Variants in FUBP3 observed in about 807,000 individuals in gnomAD.
FUBP3 encodes the protein far upstream element binding protein 3, also known as far upstream element-binding protein 3.
A neutral mutation model predicts 85.6 loss-of-function variants in FUBP3; 28 were observed. That is an observed-to-expected ratio of 0.33 (90% CI 0.24 to 0.45). The LOEUF (loss-of-function observed/expected upper bound fraction) is 0.45, where lower values mean the gene tolerates loss of function less well. FUBP3 is among the 20% of genes least tolerant of loss of function. The pLI is 1.00. For synonymous variants in FUBP3, 271 were observed against 271.4 expected (o/e 1.00, Z 0.01); for missense variants, 583 against 755.1 (o/e 0.77, Z 2.67).
rs779806628 is a variant in FUBP3 at position 130,620,382 on chromosome 9, T to C, written c.695T>C (p.Ile232Thr). 11 of 1,603,040 alleles carry C rather than the reference T, an allele frequency of 6.9e-6. No homozygotes were observed. In the South Asian group the frequency reaches 1.2e-4, roughly 18 times the overall value. ...QQAREMVLEI[I>T]REKDQADFRG... is the part of the protein sequence containing the mutation. ...GCAAGAGAAATGGTACTAGAGATTA[T>C]CCGAGAAAAAGACCAAGCTGACTTT... Residue 232 changes from isoleucine to threonine, a missense_variant, in exon 9 of 19, where the codon ATC (isoleucine) becomes ACC (threonine). Ile to Thr is a moderately conservative substitution (Grantham distance 89). This residue lies in a region of FUBP3 where 404 missense variants were observed against 516.8 expected (regional missense o/e 0.78). Transcript: ENST00000319725.
intron 2 of FUBP3, among the ~76,000 whole-genome samples, chr9:130,602,304 A>C (rs1314950340): frequency 3.3e-5 from 5 of 152,172 alleles, no homozygotes; most frequent in Non-Finnish European, 5.9e-5. Context: ...TAAAGGACGA[A>C]TTCTTGGGCG....
In FUBP3 at chr9:130,631,964, G is replaced by A. The variant is rs759258767; in HGVS notation, c.1375G>A (p.Gly459Arg). 26 of 1,613,302 alleles carry A rather than the reference G, an allele frequency of 1.6e-5. No homozygotes were observed. Among genetic ancestry groups the A allele is most frequent in the Non-Finnish European group, 2.2e-5 (26 of 1,179,258 alleles). Reference protein sequence around the residue: ...HQNTFPPRSSGCFPNMAAKVN... With the variant: ...HQNTFPPRSSRCFPNMAAKVN... Reference sequence around the variant, plus strand: ...CAGTACCTTTCCTCCAAGGAGCTCCGGGTGCTTCCCAAACATGGCTGCCAA... The same window carrying A: ...CAGTACCTTTCCTCCAAGGAGCTCCAGGTGCTTCCCAAACATGGCTGCCAA... The change falls in exon 15 of 19, where the codon GGG becomes AGG. Residue 459 changes from glycine (G) to arginine (R), a missense_variant. Around this residue, in one of 3 missense-constraint regions of FUBP3, gnomAD observed 404 missense variants for 516.8 expected, o/e 0.78. Coordinates refer to ENST00000319725, the MANE Select transcript of FUBP3 (RefSeq NM_003934.2).
At chr9:130,605,454 C>T (rs900629222) in intron 2 of FUBP3, among the ~76,000 whole-genome samples, 1 of 152,240 alleles carries the variant, frequency 6.6e-6, no homozygotes. Context: ...TGAAGGGGTA[C>T]AGAGTTTGCA....
chr9:130,629,094 A>C (rs926393878), intron 12 of FUBP3, among the ~76,000 whole-genome samples: 1 of 152,160 alleles, frequency 6.6e-6, no homozygotes, highest in Non-Finnish European at 1.5e-5. Context: ...ATTGCTCCCC[A>C]AAAAACATTG....
At chr9:130,628,998 A>G (rs757966202) in intron 12 of FUBP3, among the ~76,000 whole-genome samples, 1 of 152,040 alleles carries the variant, frequency 6.6e-6, no homozygotes, top group Non-Finnish European at 1.5e-5. Flanking sequence ...CGAACTCCCA[A>G]CCTCAGGTGA....
chr9:130,610,119 C>G, intron 3 of FUBP3, 132 bp downstream of exon 3: 1 of 717,172 alleles, frequency 1.4e-6, no homozygotes, highest in East Asian at 2.6e-5. Flanking sequence ...CTTTAAGACT[C>G]GAGTTTTTTG....
intron 12 of FUBP3, among the ~76,000 whole-genome samples, chr9:130,626,760 G>C (rs1829994050): frequency 6.6e-6 from 1 of 152,212 alleles, no homozygotes; most frequent in African/African-American, 2.4e-5. Context: ...CTCCCTGCCT[G>C]TTGAGGGCAG....
intron 2 of FUBP3, among the ~76,000 whole-genome samples, chr9:130,603,365 A>AAAC (rs1831261737): frequency 4.1e-5 from 4 of 98,442 alleles, no homozygotes; most frequent in African/African-American, 1.6e-4. Context: ...AAAAAAAAAA[A>AAAC]AAACAAATAG....
chr9:130,594,831 T>G (rs1417890484), intron 1 of FUBP3, among the ~76,000 whole-genome samples: 1 of 151,700 alleles, frequency 6.6e-6, no homozygotes, highest in Non-Finnish European at 1.5e-5. Context: ...GTGAGAAAAG[T>G]TAAACTTTTT....
intron 9 of FUBP3, among the ~76,000 whole-genome samples, chr9:130,621,502 G>A (rs1300481419): frequency 6.6e-6 from 1 of 152,146 alleles, no homozygotes; most frequent in Non-Finnish European, 1.5e-5. Context: ...CAGTGTGTAT[G>A]GTGTGTTTAT....
At chr9:130,615,595 A>C (rs1233999174) in intron 6 of FUBP3, among the ~76,000 whole-genome samples, 1 of 152,258 alleles carries the variant, frequency 6.6e-6, no homozygotes, top group Non-Finnish European at 1.5e-5. Context: ...TTGGCACAGC[A>C]GATGACTTTG....
chr9:130,601,106 A>G (rs937152271), intron 2 of FUBP3, among the ~76,000 whole-genome samples: 3 of 152,266 alleles, frequency 2.0e-5, no homozygotes, highest in African/African-American at 7.2e-5. Context: ...TCACCGAAAC[A>G]GGCAGCTGGC....
chr9:130,624,532 G>A (rs762829493), intron 11 of FUBP3, among the ~76,000 whole-genome samples: 1 of 151,996 alleles, frequency 6.6e-6, no homozygotes, highest in Non-Finnish European at 1.5e-5. Flanking sequence ...TCAGCCTGTG[G>A]GCTGCACGCA....
chr9:130,636,149 C>T (rs778699689), intron 18 of FUBP3, 23 bp downstream of exon 18: 9 of 1,608,978 alleles, frequency 5.6e-6, no homozygotes, highest in South Asian at 1.1e-5. Context: ...TCACCAGCAC[C>T]GCTGCCACTC....
chr9:130,629,932 C>T (rs532473680), intron 12 of FUBP3, among the ~76,000 whole-genome samples: 9 of 152,344 alleles, frequency 5.9e-5, no homozygotes, highest in East Asian at 1.9e-4. Context: ...GCTTTTATTA[C>T]GCAAATTTCA....
chr9:130,623,756 G>A (rs374085026), intron 11 of FUBP3, 45 bp downstream of exon 11: 9 of 1,321,624 alleles, frequency 6.8e-6, no homozygotes, highest in East Asian at 2.3e-5. Flanking sequence ...CTGCAGAAGT[G>A]GAAAGTGCTA....
intron 2 of FUBP3, among the ~76,000 whole-genome samples, chr9:130,602,791 G>A (rs937424502): frequency 6.6e-6 from 1 of 152,078 alleles, no homozygotes; most frequent in Admixed American, 6.5e-5. Flanking sequence ...GGCTTTCCAG[G>A]GGCGGTGGAC....
At chr9:130,590,159 GGTAATT>G (rs1830562338) in intron 1 of FUBP3, among the ~76,000 whole-genome samples, 1 of 148,450 alleles carries the variant, frequency 6.7e-6, no homozygotes, top group Non-Finnish European at 1.5e-5. Flanking sequence ...ATGCATAGAA[GGTAATT>G]GTGAGAACAA....
Position 130,614,276 on chromosome 9 carries a change from T to C in FUBP3, c.347-12T>C. On this transcript the variant is annotated splice_polypyrimidine_tract_variant and intron_variant, in intron 5 of 18. Coordinates refer to ENST00000319725, the MANE Select transcript of FUBP3 (RefSeq NM_003934.2). ...CCACCAACACCCCTCATCTTCTTGATTCTTCTTATAGAGAGTTCTGGGATT... is the reference window on the plus strand; with the variant it reads ...CCACCAACACCCCTCATCTTCTTGACTCTTCTTATAGAGAGTTCTGGGATT... The C allele has an allele frequency of 6.3e-7, 1 of 1,584,754 alleles. No homozygotes were observed.
Sources: gnomAD v4.1 joint callset for allele counts (sites outside exome capture counted in the v4.1 genomes callset) on GRCh38, gnomAD v4.1.1 for gene constraint, gnomAD v4.1.1 regional missense constraint, MANE v1.5 for transcripts, NCBI Gene and HGNC (gene_info 2026-07-23, HGNC 2026-07-21) for gene names.